POLA1: variants seen among roughly 807,000 people sequenced by gnomAD.
The protein encoded by POLA1 is DNA polymerase alpha catalytic subunit.
Under a neutral mutation model 124.0 loss-of-function variants are expected in POLA1, and 15 were observed. That is an observed-to-expected ratio of 0.12 (90% confidence interval 0.08 to 0.19). The LOEUF is 0.19. Among genes scored for constraint, POLA1 ranks in the 10% least tolerant of loss-of-function variants. POLA1 has a pLI of 1.00. For synonymous variants in POLA1, 408 were observed against 389.4 expected (o/e 1.05, Z -0.56); for missense variants, 886 against 1,103.4 (o/e 0.80, Z 2.79).
intron 26 of POLA1, among the ~76,000 whole-genome samples, chrX:24,752,004 T>G (rs774145000): frequency 4.5e-5 from 5 of 112,015 alleles, no homozygotes; most frequent in African/African-American, 1.6e-4. Flanking sequence ...AGCATGCCAT[T>G]GCAAAAGATT....
In POLA1 at chrX:24,747,009, G is replaced by A. The variant is rs372106162; in HGVS notation, c.2692-1302G>A. Among the ~76,000 whole-genome samples the A allele has an allele frequency of 2.0e-4, 22 of 111,789 alleles. No individual in the cohort carries two copies. In the East Asian group the frequency reaches 3.3e-3, roughly 17 times the overall value. ...TTTCTTCCTGTAAATTTTAATATAA[G>A]AAGACTGCTGGTTGCTTTTCTGAAA... On this transcript the variant is annotated intron_variant, in intron 24 of 36. Coordinates refer to ENST00000379068, the MANE Select transcript of POLA1 (RefSeq NM_001330360.2).
At position 24,996,257 on chromosome X, in the gene POLA1, G is replaced by T. The variant is rs191161539; in HGVS notation, c.*307G>T. On this transcript the variant is annotated 3_prime_UTR_variant, in exon 37 of 37. Coordinates refer to ENST00000379068, the MANE Select transcript of POLA1 (RefSeq NM_001330360.2). ...TCTGAGGGAGGGAAATTGCTACTTG[G>T]ATTGAGAGTAGCTGGAATGTAAGTG... 4.9e-5 allele frequency: 10 copies of T among 203,975 alleles called. No homozygotes were observed. Among genetic ancestry groups the T allele is most frequent in the African/African-American group, 2.0e-4 (7 of 34,315 alleles). 16.8% of individuals were successfully genotyped at this position (203,975 alleles called of 1,213,427 possible).
At chrX:24,922,082 C>A (rs1314258899) in intron 35 of POLA1, among the ~76,000 whole-genome samples, 1 of 110,654 alleles carries the variant, frequency 9.0e-6, no homozygotes, top group African/African-American at 3.3e-5. Flanking sequence ...AGAAAACCCC[C>A]CCTTTTTTTG....
chrX:24,983,848 C>G (rs2048449947), intron 36 of POLA1, among the ~76,000 whole-genome samples: 1 of 111,147 alleles, frequency 9.0e-6, no homozygotes, highest in Admixed American at 9.5e-5. Flanking sequence ...TGGCCTATAG[C>G]AGTTAGACCT....
chrX:24,903,654 G>A (rs1364178717), intron 35 of POLA1, among the ~76,000 whole-genome samples: 2 of 111,854 alleles, frequency 1.8e-5, no homozygotes, highest in Non-Finnish European at 3.8e-5. Context: ...GTAAGGTAAA[G>A]CTTCTTAGAA....
chrX:24,968,638 G>C (rs1425567072), intron 36 of POLA1, among the ~76,000 whole-genome samples: 1 of 105,996 alleles, frequency 9.4e-6, no homozygotes, highest in Non-Finnish European at 1.9e-5. Context: ...GGGAGGCGGA[G>C]CTTGCAGTGA....
intron 34 of POLA1, among the ~76,000 whole-genome samples, chrX:24,868,325 G>C (rs1431650269): frequency 8.9e-6 from 1 of 112,170 alleles, no homozygotes; most frequent in East Asian, 2.8e-4. Flanking sequence ...GGCCAGCATA[G>C]ATGGTGCACT....
intron 36 of POLA1, among the ~76,000 whole-genome samples, chrX:24,932,310 AATCAGTCTTTTATG>A (rs759704444): frequency 2.7e-5 from 3 of 112,535 alleles, no homozygotes; most frequent in African/African-American, 9.7e-5. Flanking sequence ...TGAGAGGCAG[AATCAGTCTTTTATG>A]ATCAGCAGTT....
chrX:24,884,830 T>C (rs1008088098), intron 34 of POLA1, among the ~76,000 whole-genome samples: 4 of 112,071 alleles, frequency 3.6e-5, no homozygotes, highest in Non-Finnish European at 7.5e-5. Flanking sequence ...AAGCACTGAA[T>C]AGAGAGGTGA....
intron 26 of POLA1, among the ~76,000 whole-genome samples, chrX:24,803,960 AAGC>A (rs2045759506): frequency 9.5e-6 from 1 of 105,540 alleles, no homozygotes; most frequent in Admixed American, 1.0e-4. Context: ...AAAAAAAAAA[AAGC>A]ACGAATATTT....
intron 36 of POLA1, among the ~76,000 whole-genome samples, chrX:24,994,983 G>A (rs1170702943): frequency 1.8e-5 from 2 of 110,610 alleles, no homozygotes; most frequent in African/African-American, 6.6e-5. Flanking sequence ...TTGAACCCGG[G>A]AGGCGGAGGT....
At position 24,864,271 on chromosome X, in the gene POLA1, C is replaced by T. The variant is rs757653257; in HGVS notation, c.4047+20594C>T. On this transcript the variant is annotated intron_variant, in intron 34 of 36. Transcript: ENST00000379068. Reference sequence around the variant, plus strand: ...TACTAGGATTACAGGCGTGAGCCACCGCACCTGGCTGGAACTCTTTATTTT... The same window carrying T: ...TACTAGGATTACAGGCGTGAGCCACTGCACCTGGCTGGAACTCTTTATTTT... Among the ~76,000 whole-genome samples, 5 of 111,535 alleles carry T rather than the reference C, an allele frequency of 4.5e-5. No individual in the cohort carries two copies. The South Asian group carries it at 1.5e-3, about 34-fold the overall frequency.
intron 36 of POLA1, among the ~76,000 whole-genome samples, chrX:24,938,432 G>A (rs1952800513): frequency 9.1e-6 from 1 of 110,388 alleles, no homozygotes; most frequent in South Asian, 3.9e-4. Context: ...AAAAGAACTG[G>A]AGTGTAGTTC....
At chrX:24,843,487 A>G in intron 33 of POLA1, 59 bp from the exon 34 acceptor site, 1 of 936,597 alleles carries the variant, frequency 1.1e-6, no homozygotes, top group African/African-American at 2.0e-5. Flanking sequence ...GTTTTTAAGC[A>G]CAAAAACCCT....
At chrX:24,839,965 A>C (rs1015093838) in intron 32 of POLA1, among the ~76,000 whole-genome samples, 1 of 112,037 alleles carries the variant, frequency 8.9e-6, no homozygotes, top group Non-Finnish European at 1.9e-5. Flanking sequence ...TTAGCTTTAA[A>C]TGTGAGAGTA....
At chrX:24,720,375 A>T (rs773043244) in intron 10 of POLA1, among the ~76,000 whole-genome samples, 21 of 111,903 alleles carry the variant, frequency 1.9e-4, no homozygotes, top group Non-Finnish European at 3.8e-4. Flanking sequence ...GAGGGCTGGG[A>T]TCTTTTATTT....
intron 26 of POLA1, among the ~76,000 whole-genome samples, chrX:24,804,218 CAG>C (rs755618922): frequency 4.5e-5 from 5 of 110,752 alleles, no homozygotes; most frequent in East Asian, 5.6e-4. Flanking sequence ...CTAAGAATAA[CAG>C]AGAATAGGAA....
At chrX:24,873,946 C>G (rs1164429558) in intron 34 of POLA1, among the ~76,000 whole-genome samples, 1 of 111,972 alleles carries the variant, frequency 8.9e-6, no homozygotes, top group Non-Finnish European at 1.9e-5. Flanking sequence ...TGCAGCCCAT[C>G]TCAATTTGGT....
chrX:24,958,718 ACTG>A (rs2048135937), intron 36 of POLA1, among the ~76,000 whole-genome samples: 1 of 112,143 alleles, frequency 8.9e-6, no homozygotes, highest in African/African-American at 3.2e-5. Flanking sequence ...TTAGAAAAAG[ACTG>A]GCAGGAAATG....
Sources: allele counts gnomAD v4.1 joint callset (sites outside exome capture counted in the v4.1 genomes callset), GRCh38; gene constraint gnomAD v4.1.1; transcripts MANE v1.5; gene names NCBI Gene and HGNC (gene_info 2026-07-23, HGNC 2026-07-21).